MTMR12: variants seen among roughly 807,000 people sequenced by gnomAD.
The protein encoded by MTMR12 is myotubularin-related protein 12.
Under a neutral mutation model 96.7 loss-of-function variants are expected in MTMR12, and 33 were observed. The observed-to-expected ratio is 0.34, with a 90% CI of 0.26 to 0.46. The LOEUF (loss-of-function observed/expected upper bound fraction) is 0.46. Among genes scored for constraint, MTMR12 ranks in the 20% least tolerant of loss-of-function variants. The pLI, the probability that MTMR12 is intolerant of heterozygous loss-of-function variation, is 1.00. For synonymous variants in MTMR12, 298 were observed against 327.2 expected, an observed-to-expected ratio of 0.91 and a Z score of 0.96; for missense variants, 721 against 896.1, an observed-to-expected ratio of 0.80 and a Z score of 2.49.
intron 15 of MTMR12, 78 bp from the exon 16 acceptor site, chr5:32,230,425 G>T: frequency 7.5e-7 from 1 of 1,328,612 alleles, no homozygotes; most frequent in Non-Finnish European, 1.0e-6. Flanking sequence ...AACAAAAAGA[G>T]CATAACCCTG....
chr5:32,300,806 G>A (rs1751112400), intron 1 of MTMR12, among the ~76,000 whole-genome samples: 1 of 152,200 alleles, frequency 6.6e-6, no homozygotes, highest in Non-Finnish European at 1.5e-5. Context: ...CAGGCACAGT[G>A]GCTCACACCT....
intron 10 of MTMR12, among the ~76,000 whole-genome samples, chr5:32,247,011 A>C (rs1191028062): frequency 6.6e-6 from 1 of 152,184 alleles, no homozygotes; most frequent in Non-Finnish European, 1.5e-5. Context: ...AACTCAATAA[A>C]TGTCACTGAA....
At position 32,274,005 on chromosome 5, in the gene MTMR12, T is replaced by C. The variant is rs747515404; in HGVS notation, c.260A>G (p.Asp87Gly). 6.2e-7 allele frequency: 1 copy of C among 1,614,180 alleles called. No individual in the cohort carries two copies. The highest frequency in any genetic ancestry group is 1.3e-5 in the African/African-American group (1 of 75,046). Residue 87 changes from aspartate to glycine, a missense_variant, in exon 3 of 16, where the codon GAT becomes GGT. By Grantham distance (94) the Asp-to-Gly change is moderately conservative. Coordinates refer to ENST00000382142, the MANE Select transcript of MTMR12 (RefSeq NM_001040446.3). Reference sequence around the variant, plus strand: ...ATCATTATCCAATGCAGATTCATCATCACCCAAGAAGGCAATCTTGAAGTC... The same window carrying C: ...ATCATTATCCAATGCAGATTCATCACCACCCAAGAAGGCAATCTTGAAGTC... ...CTDFKIAFLGDDESALDNDET... is the reference protein window; with the variant it reads ...CTDFKIAFLGGDESALDNDET...
At chr5:32,255,875 G>A (rs897838885) in intron 7 of MTMR12, 107 bp from the exon 8 acceptor site, 3 of 961,486 alleles carry the variant, frequency 3.1e-6, no homozygotes, top group Non-Finnish European at 4.7e-6. Flanking sequence ...TTAAGCAGAT[G>A]GGACCATATT....
At position 32,268,714 on chromosome 5, in the gene MTMR12, T is replaced by C. The variant is rs1749705238; in HGVS notation, c.570A>G (p.Ala190=). ...GAAGATATTTACCTGTATTGTTTTG[T>C]GCAGCAGTCGCATAGGAAAACAGAA... ...RLFLFSYATA[A]QNNTVTDPKN... is the part of the protein sequence containing the mutation. The change falls in exon 6 of 16, where the codon GCA becomes GCG. Residue 190 remains alanine (A), a synonymous_variant. Coordinates refer to ENST00000382142, the MANE Select transcript of MTMR12 (RefSeq NM_001040446.3). 1 of 1,613,570 alleles carries C rather than the reference T, an allele frequency of 6.2e-7. No homozygotes were observed. The highest frequency in any genetic ancestry group is 8.5e-7 in the Non-Finnish European group (1 of 1,179,502).
At chr5:32,253,816 G>A (rs1257643479) in intron 8 of MTMR12, among the ~76,000 whole-genome samples, 1 of 152,220 alleles carries the variant, frequency 6.6e-6, no homozygotes, top group Non-Finnish European at 1.5e-5. Context: ...TAGAGATGGA[G>A]TCTCGCTTTG....
chr5:32,267,283 G>A (rs1749636536), intron 6 of MTMR12, among the ~76,000 whole-genome samples: 1 of 151,484 alleles, frequency 6.6e-6, no homozygotes, highest in Non-Finnish European at 1.5e-5. Context: ...GGCTAAGGTG[G>A]GAGAATTGCT....
chr5:32,281,252 AAAAAAAAAAAAAC>A (rs1364699405), intron 1 of MTMR12, among the ~76,000 whole-genome samples: 1 of 149,840 alleles, frequency 6.7e-6, no homozygotes, highest in African/African-American at 2.5e-5. Context: ...TATCATTAAA[AAAAAAAAAAAAAC>A]AAAAAAAACT....
chr5:32,274,238 C>A, intron 2 of MTMR12, 116 bp from the exon 3 acceptor site: 1 of 1,215,836 alleles, frequency 8.2e-7, no homozygotes, highest in South Asian at 1.5e-5. Flanking sequence ...CAACACAGGG[C>A]TTTAGAACTT....
chr5:32,271,001 G>GAATGTGTA, intron 4 of MTMR12, 54 bp from the exon 5 acceptor site: 1 of 1,532,624 alleles, frequency 6.5e-7, no homozygotes, highest in Admixed American at 1.9e-5. Flanking sequence ...AGCAATAAGT[G>GAATGTGTA]AATGCTAAAG....
At chr5:32,256,162 G>T (rs926982279) in intron 7 of MTMR12, among the ~76,000 whole-genome samples, 1 of 152,132 alleles carries the variant, frequency 6.6e-6, no homozygotes. Context: ...AAACTAATAG[G>T]AAAAACAGTA....
At chr5:32,300,005 C>T (rs1032792599) in intron 1 of MTMR12, among the ~76,000 whole-genome samples, 17 of 152,182 alleles carry the variant, frequency 1.1e-4, no homozygotes, top group African/African-American at 4.1e-4. Context: ...TCTGTGCCCC[C>T]AGAGCACTTG....
Position 32,229,731 on chromosome 5 carries a change from T to C in MTMR12, c.*47A>G. On this transcript the variant is annotated 3_prime_UTR_variant, in exon 16 of 16. Coordinates refer to ENST00000382142, the MANE Select transcript of MTMR12 (RefSeq NM_001040446.3). ...GCGTGACACAAATCCAGGGATCAGC[T>C]GTCCCAATCTCCCACATTCCTCTTT... 1 of 1,474,702 alleles carries C rather than the reference T, an allele frequency of 6.8e-7. No homozygotes were observed. The highest frequency in any genetic ancestry group is 1.5e-5 in the South Asian group (1 of 67,694). 91.4% of individuals were successfully genotyped at this position (1,474,702 alleles called of 1,614,324 possible).
chr5:32,285,049 C>T (rs1750473594), intron 1 of MTMR12, among the ~76,000 whole-genome samples: 1 of 152,132 alleles, frequency 6.6e-6, no homozygotes, highest in Admixed American at 6.5e-5. Flanking sequence ...CTCAGTGGGG[C>T]TTAAATTCAA....
At chr5:32,235,702 G>A (rs145840459) in intron 13 of MTMR12, among the ~76,000 whole-genome samples, 22 of 152,324 alleles carry the variant, frequency 1.4e-4, no homozygotes, top group East Asian at 9.6e-4. Context: ...AGACAAGGGA[G>A]AAGCAGTGAA....
At chr5:32,279,243 AAAAC>A (rs1266760270) in intron 1 of MTMR12, among the ~76,000 whole-genome samples, 1 of 151,962 alleles carries the variant, frequency 6.6e-6, no homozygotes, top group South Asian at 2.1e-4. Flanking sequence ...TCATCTCTAC[AAAAC>A]AAACAAACAA....
At chr5:32,274,361 T>C (rs578207329) in intron 2 of MTMR12, among the ~76,000 whole-genome samples, 14 of 151,918 alleles carry the variant, frequency 9.2e-5, no homozygotes, top group African/African-American at 3.4e-4. Flanking sequence ...GTGCAGGACA[T>C]TTCTCTATCT....
chr5:32,236,005 T>C (rs1581588362), intron 13 of MTMR12, among the ~76,000 whole-genome samples: 1 of 152,222 alleles, frequency 6.6e-6, no homozygotes, highest in Non-Finnish European at 1.5e-5. Context: ...AAAACTCCAA[T>C]ATGTCCATGT....
intron 5 of MTMR12, 61 bp from the exon 6 acceptor site, chr5:32,268,855 C>T (rs1403508339): frequency 7.2e-6 from 10 of 1,382,488 alleles, no homozygotes; most frequent in Non-Finnish European, 5.1e-6. Flanking sequence ...CTAACAAAGA[C>T]AAGAGTCAAG....
Sources: gnomAD v4.1 joint callset for allele counts (sites outside exome capture counted in the v4.1 genomes callset) on GRCh38, gnomAD v4.1.1 for gene constraint, MANE v1.5 for transcripts, NCBI Gene and HGNC (gene_info 2026-07-23, HGNC 2026-07-21) for gene names.